Variants in RCBTB1 observed in about 807,000 individuals in gnomAD.
RCBTB1 encodes the protein RCC1 and BTB domain-containing protein 1.
A neutral mutation model predicts 62.4 loss-of-function variants in RCBTB1; 46 were observed. The observed-to-expected ratio is 0.74, with a 90% confidence interval of 0.58 to 0.94. The LOEUF is 0.94. Ranked by LOEUF, RCBTB1 falls within the 40% of genes least tolerant of loss-of-function variation. RCBTB1 has a pLI of 0.00. For missense variants in RCBTB1, 565 were observed against 654.9 expected, an observed-to-expected ratio of 0.86 and a Z score of 1.50; for synonymous variants, 222 against 245.8, an observed-to-expected ratio of 0.90 and a Z score of 0.91.
At chr13:49,552,966 C>A (rs9568250) in intron 6 of RCBTB1, among the ~76,000 whole-genome samples, 36,986 of 151,664 alleles carry the variant, frequency 0.24, 5,787 homozygotes, top group African/African-American at 0.44. Flanking sequence ...GGCAGATCAC[C>A]AGGTCAGGAG....
At chr13:49,576,382 T>G (rs1963790151) in intron 2 of RCBTB1, among the ~76,000 whole-genome samples, 1 of 152,078 alleles carries the variant, frequency 6.6e-6, no homozygotes, top group Non-Finnish European at 1.5e-5. Flanking sequence ...CTGTGGGCTT[T>G]TATCAAGACT....
rs1255981527 is a variant in RCBTB1 at position 49,566,699 on chromosome 13, T to G, written c.196A>C (p.Lys66Gln). The G allele has an allele frequency of 6.2e-7, 1 of 1,614,162 alleles. No homozygotes were observed. Among genetic ancestry groups the G allele is most frequent in the Non-Finnish European group, 8.5e-7 (1 of 1,179,982 alleles). Reference sequence around the variant, plus strand: ...TTTCCACATAAGCCTTCTAGCTTTTTGGGTACAAGTGTACTCTGGTTATCT... The same window carrying G: ...TTTCCACATAAGCCTTCTAGCTTTTGGGGTACAAGTGTACTCTGGTTATCT... ...TGDNQSTLVP[K>Q]KLEGLCGKKI... is the part of the protein sequence containing the mutation. The change falls in exon 4 of 13, where the codon AAA becomes CAA. Residue 66 changes from lysine (K) to glutamine (Q), a missense_variant. Lys to Gln is a moderately conservative substitution (Grantham distance 53). Transcript: ENST00000378302.
chr13:49,565,347 T>C (rs1371822725), intron 4 of RCBTB1, among the ~76,000 whole-genome samples: 4 of 152,146 alleles, frequency 2.6e-5, no homozygotes, highest in Admixed American at 6.5e-5. Flanking sequence ...AGTGCAGTGG[T>C]GTGATCTCGG....
At chr13:49,571,502 C>T (rs1000162152) in intron 2 of RCBTB1, among the ~76,000 whole-genome samples, 9 of 152,178 alleles carry the variant, frequency 5.9e-5, no homozygotes, top group African/African-American at 1.7e-4. Context: ...GACCTCTGTC[C>T]TCGGAGCTCA....
At chr13:49,544,959 T>G (rs139425954) in intron 9 of RCBTB1, 96 bp from the exon 10 acceptor site, 4 of 1,029,056 alleles carry the variant, frequency 3.9e-6, no homozygotes, top group Non-Finnish European at 5.7e-6. Flanking sequence ...TGATGGATAA[T>G]TCCACTTGTT....
At chr13:49,541,106 G>T in intron 11 of RCBTB1, 100 bp from the exon 12 acceptor site, 1 of 954,794 alleles carries the variant, frequency 1.0e-6, no homozygotes, top group Non-Finnish European at 1.5e-6. Flanking sequence ...TAAATTAGAA[G>T]TTTCTTAGTG....
At chr13:49,540,708 G>T (rs1960275691) in intron 12 of RCBTB1, among the ~76,000 whole-genome samples, 168 bp downstream of exon 12, 1 of 152,216 alleles carries the variant, frequency 6.6e-6, no homozygotes, top group Non-Finnish European at 1.5e-5. Flanking sequence ...TTGAAACAAT[G>T]AACAGGGAAT....
chr13:49,541,823 C>T lies in RCBTB1; in HGVS notation c.1177G>A (p.Glu393Lys). Residue 393 changes from glutamate (E) to lysine (K), a missense_variant, in exon 11 of 13, where the codon GAG (glutamate) becomes AAG (lysine). Transcript: ENST00000378302. Reference protein sequence around the residue: ...VHKAVLKIRCEHFRSMFQSYW... With the variant: ...VHKAVLKIRCKHFRSMFQSYW... Reference sequence around the variant, plus strand: ...GACTGGAACATGGATCGAAAATGCTCACACCTAAAACAGCAAAGCAAAAGT... The same window carrying T: ...GACTGGAACATGGATCGAAAATGCTTACACCTAAAACAGCAAAGCAAAAGT... 5 of 1,609,686 alleles carry T rather than the reference C, an allele frequency of 3.1e-6. No homozygotes were observed. Among genetic ancestry groups the T allele is most frequent in the Non-Finnish European group, 4.2e-6 (5 of 1,178,668 alleles).
At position 49,549,002 on chromosome 13, in the gene RCBTB1, T is replaced by G. The variant is rs576605372; in HGVS notation, c.1045+456A>C. ...ACAAAAATTAGCTGGGTGTGGTGGC[T>G]GGTGCCTGTAGTCTTACTACTTGGG... On this transcript the variant is annotated intron_variant, in intron 9 of 12. Coordinates refer to ENST00000378302, the MANE Select transcript of RCBTB1 (RefSeq NM_018191.4). Among the ~76,000 whole-genome samples, 189 of 134,352 alleles carry G rather than the reference T, an allele frequency of 1.4e-3. 51 individuals carry two copies. Among genetic ancestry groups the G allele is most frequent in the African/African-American group, 5.7e-3 (174 of 30,316 alleles). 88.1% of individuals were successfully genotyped at this position (134,352 alleles called of 152,430 possible). A position where few individuals can be genotyped will look rare whatever the true frequency, so the allele number is the denominator to read the frequency against.
chr13:49,578,230 A>C (rs1402774021), intron 2 of RCBTB1, among the ~76,000 whole-genome samples: 1 of 152,366 alleles, frequency 6.6e-6, no homozygotes, highest in East Asian at 1.9e-4. Flanking sequence ...AATGATCTCC[A>C]GATTACTTAT....
At chr13:49,537,747 A>G (rs1388241997) in intron 12 of RCBTB1, 2 of 152,242 alleles carry the variant, frequency 1.3e-5, no homozygotes, top group Non-Finnish European at 2.9e-5. Flanking sequence ...CCCTGATGTC[A>G]ATATTTATTC....
chr13:49,546,498 T>A, intron 9 of RCBTB1: 1 of 179,802 alleles, frequency 5.6e-6, no homozygotes, highest in Non-Finnish European at 1.1e-5. Context: ...ATTATGTTTA[T>A]TGTGCACTTA....
At chr13:49,570,298 A>G (rs544570132) in intron 2 of RCBTB1, among the ~76,000 whole-genome samples, 2 of 152,334 alleles carry the variant, frequency 1.3e-5, no homozygotes, top group South Asian at 4.1e-4. Context: ...TAACCTTCAT[A>G]ATGATGGGGC....
At chr13:49,538,594 G>A (rs112100917) in intron 12 of RCBTB1, among the ~76,000 whole-genome samples, 207 of 152,088 alleles carry the variant, frequency 1.4e-3, no homozygotes, top group African/African-American at 4.8e-3. Flanking sequence ...GCACACATCC[G>A]TAGTCCCAGT....
Position 49,551,386 on chromosome 13 carries a change from A to G in RCBTB1, c.794T>C (p.Leu265Pro). Reference protein sequence around the residue: ...YAWGANTYGQLGTGNKNNLLS... With the variant: ...YAWGANTYGQPGTGNKNNLLS... ...CAGGTTATTTTTATTGCCAGTTCCC[A>G]GCTGCCCATATGTGTTAGCTCCCCA... The change falls in exon 8 of 13, where the codon CTG becomes CCG. Residue 265 changes from leucine to proline, a missense_variant. Transcript: ENST00000378302. The G allele has an allele frequency of 6.2e-7, 1 of 1,614,214 alleles. No individual in the cohort carries two copies. The highest frequency in any genetic ancestry group is 8.5e-7 in the Non-Finnish European group (1 of 1,180,032).
intron 12 of RCBTB1, among the ~76,000 whole-genome samples, chr13:49,534,960 G>A (rs1441411328): frequency 6.6e-6 from 1 of 152,098 alleles, no homozygotes; most frequent in Admixed American, 6.5e-5. Flanking sequence ...TTTGAGCCTG[G>A]GAGGCAGAGG....
At chr13:49,572,717 T>C (rs1963491903) in intron 2 of RCBTB1, among the ~76,000 whole-genome samples, 1 of 152,078 alleles carries the variant, frequency 6.6e-6, no homozygotes, top group African/African-American at 2.4e-5. Context: ...GGTGGGAGGA[T>C]CATCTGAGCC....
At chr13:49,549,386 CAA>C in intron 9 of RCBTB1, 70 bp downstream of exon 9, 2 of 1,451,906 alleles carry the variant, frequency 1.4e-6, no homozygotes. Flanking sequence ...CCAAAACCAG[CAA>C]AGACACAGGA....
At chr13:49,583,396 G>A (rs1385834937) in intron 1 of RCBTB1, among the ~76,000 whole-genome samples, 2 of 151,966 alleles carry the variant, frequency 1.3e-5, no homozygotes, top group Non-Finnish European at 2.9e-5. Flanking sequence ...ATGTGTGTGT[G>A]TGTGTGTGTG....
Sources: allele counts gnomAD v4.1 joint callset (sites outside exome capture counted in the v4.1 genomes callset), GRCh38; gene constraint gnomAD v4.1.1; transcripts MANE v1.5; gene names NCBI Gene and HGNC (gene_info 2026-07-23, HGNC 2026-07-21).